TLE1: variants seen among roughly 807,000 people sequenced by gnomAD.
TLE1 encodes the protein transducin-like enhancer protein 1.
A neutral mutation model predicts 89.8 loss-of-function variants in TLE1; 21 were observed. The ratio of observed to expected loss-of-function variants is 0.23; its 90% CI spans 0.17 to 0.34. The LOEUF is 0.34. Among genes scored for constraint, TLE1 ranks in the 10% least tolerant of loss-of-function variants. The pLI is 1.00. For missense variants in TLE1, 795 were observed against 1,031.2 expected, an observed-to-expected ratio of 0.77 and a Z score of 3.14; for synonymous variants, 447 against 407.6, an observed-to-expected ratio of 1.10 and a Z score of -1.16.
Position 81,634,125 on chromosome 9 carries a change from C to CT in TLE1, c.548dup (p.Lys184GlufsTer17). The CT allele has an allele frequency of 6.2e-7, 1 of 1,609,214 alleles. No homozygotes were observed. Among genetic ancestry groups the CT allele is most frequent in the Non-Finnish European group, 8.5e-7 (1 of 1,177,462 alleles). On this transcript the variant is annotated frameshift_variant, in exon 7 of 20. Transcript: ENST00000376499. LOFTEE classifies it high-confidence loss of function. ...TGTGGTGCTCTGCATCGTGGTGCTTCTTGTCATCTTTTATTGCCAAGTGAG... is the reference window on the plus strand; with the variant it reads ...TGTGGTGCTCTGCATCGTGGTGCTTCTTTGTCATCTTTTATTGCCAAGTGAG...
intron 8 of TLE1, among the ~76,000 whole-genome samples, chr9:81,624,289 T>C (rs995974660): frequency 1.1e-4 from 16 of 152,170 alleles, no homozygotes; most frequent in Admixed American, 1.0e-3. Flanking sequence ...TACTTTAAAA[T>C]GAACTAGGAA....
chr9:81,682,077 C>G (rs1833702215), intron 4 of TLE1, among the ~76,000 whole-genome samples: 1 of 151,726 alleles, frequency 6.6e-6, no homozygotes, highest in Non-Finnish European at 1.5e-5. Context: ...GAAACCCTCT[C>G]TCTACTACAA....
At chr9:81,618,736 T>C (rs755143276) in intron 9 of TLE1, among the ~76,000 whole-genome samples, 1 of 152,186 alleles carries the variant, frequency 6.6e-6, no homozygotes, top group African/African-American at 2.4e-5. Context: ...AAGAAAATTA[T>C]GAAAATGGCT....
chr9:81,658,441 A>C (rs747744772), intron 4 of TLE1, among the ~76,000 whole-genome samples: 6 of 152,082 alleles, frequency 3.9e-5, no homozygotes, highest in African/African-American at 9.7e-5. Flanking sequence ...TCTGGAGAAG[A>C]AGCAAATAGG....
At chr9:81,601,543 G>T (rs1477127211) in intron 14 of TLE1, among the ~76,000 whole-genome samples, 5 of 151,454 alleles carry the variant, frequency 3.3e-5, no homozygotes, top group African/African-American at 1.2e-4. Flanking sequence ...TAATATATAA[G>T]GCAGGTAGAG....
chr9:81,651,676 A>G (rs758291312), intron 6 of TLE1, among the ~76,000 whole-genome samples: 1 of 152,242 alleles, frequency 6.6e-6, no homozygotes, highest in Non-Finnish European at 1.5e-5. Flanking sequence ...ATGATAATTC[A>G]GAGACCCATT....
At chr9:81,642,986 CAAAT>C (rs994695171) in intron 6 of TLE1, among the ~76,000 whole-genome samples, 20 of 152,122 alleles carry the variant, frequency 1.3e-4, no homozygotes, top group Admixed American at 1.0e-3. Context: ...TTCAGAAAGA[CAAAT>C]AATGCATAAT....
chr9:81,688,362 C>T lies in TLE1; in HGVS notation c.-122G>A. On this transcript the variant is annotated 5_prime_UTR_variant, in exon 1 of 20. Transcript: ENST00000376499. ...AAGCAGAAGCGGGGAGCGCGCTGGC[C>T]ACGCACGCGCGCTCCGCCGGGCGCA... 2 of 1,125,098 alleles carry T rather than the reference C, an allele frequency of 1.8e-6. No individual in the cohort carries two copies. The highest frequency in any genetic ancestry group is 1.9e-5 in the South Asian group (1 of 51,416). The allele number at this position is 1,125,098 out of a possible 1,614,324, so 69.7% of individuals were successfully genotyped here.
chr9:81,626,197 A>G (rs989211300), intron 8 of TLE1, among the ~76,000 whole-genome samples: 1 of 152,204 alleles, frequency 6.6e-6, no homozygotes, highest in Non-Finnish European at 1.5e-5. Context: ...TCCCCGCAGG[A>G]AAAGTGTTTG....
intron 11 of TLE1, among the ~76,000 whole-genome samples, chr9:81,614,839 C>T (rs1824213123): frequency 6.6e-6 from 1 of 151,316 alleles, no homozygotes; most frequent in African/African-American, 2.4e-5. Flanking sequence ...TGACATGCCC[C>T]GATATTAAGG....
chr9:81,653,890 A>G (rs1829852274), intron 5 of TLE1, 84 bp downstream of exon 5: 1 of 1,287,156 alleles, frequency 7.8e-7, no homozygotes, highest in Non-Finnish European at 1.1e-6. Context: ...GTTCCTTGTG[A>G]TAAAATTAAC....
intron 6 of TLE1, among the ~76,000 whole-genome samples, chr9:81,644,926 G>A (rs780053545): frequency 6.0e-5 from 9 of 149,310 alleles, no homozygotes; most frequent in Admixed American, 4.0e-4. Context: ...CCCGGGAAGC[G>A]GAGGTTGCAG....
At chr9:81,623,617 TAAAAAAAA>T (rs751545706) in intron 8 of TLE1, among the ~76,000 whole-genome samples, 6,190 of 44,448 alleles carry the variant, frequency 0.14, 189 homozygotes, top group Middle Eastern at 0.29. Context: ...CATCTGTACT[TAAAAAAAA>T]AAAAAAAAAA....
At chr9:81,639,357 A>G (rs1056803391) in intron 6 of TLE1, among the ~76,000 whole-genome samples, 1 of 151,996 alleles carries the variant, frequency 6.6e-6, no homozygotes, top group Admixed American at 6.6e-5. Flanking sequence ...AAGCTACCAT[A>G]GCTGGCCTGC....
intron 8 of TLE1, 106 bp downstream of exon 8, chr9:81,633,242 G>A (rs1826905160): frequency 5.1e-6 from 8 of 1,571,668 alleles, no homozygotes; most frequent in Admixed American, 3.4e-5. Flanking sequence ...GGGAGAGTGT[G>A]CATGTCTGTC....
chr9:81,616,496 C>A, intron 10 of TLE1, 150 bp downstream of exon 10: 1 of 715,234 alleles, frequency 1.4e-6, no homozygotes, highest in South Asian at 1.8e-5. Flanking sequence ...ATTATTGCTC[C>A]ATACATGAGC....
intron 4 of TLE1, among the ~76,000 whole-genome samples, chr9:81,668,104 G>A (rs1278510403): frequency 1.3e-5 from 2 of 151,920 alleles, no homozygotes; most frequent in African/African-American, 2.4e-5. Context: ...GACGGAGGTC[G>A]CGATGAGCCG....
intron 4 of TLE1, among the ~76,000 whole-genome samples, chr9:81,675,917 T>C (rs1227431499): frequency 6.6e-6 from 1 of 152,006 alleles, no homozygotes; most frequent in Admixed American, 6.6e-5. Context: ...GCCAGGATGG[T>C]CTCGATCTCC....
At chr9:81,666,697 C>G (rs1371049995) in intron 4 of TLE1, among the ~76,000 whole-genome samples, 1 of 151,850 alleles carries the variant, frequency 6.6e-6, no homozygotes, top group African/African-American at 2.4e-5. Flanking sequence ...ATCGCTTGAA[C>G]CCGGGAAGCG....
Sources: gnomAD v4.1 joint callset for allele counts (sites outside exome capture counted in the v4.1 genomes callset) on GRCh38, gnomAD v4.1.1 for gene constraint, MANE v1.5 for transcripts, NCBI Gene and HGNC (gene_info 2026-07-23, HGNC 2026-07-21) for gene names.